Variants in GPATCH2L observed in about 807,000 individuals in gnomAD.
The protein encoded by GPATCH2L is G patch domain-containing protein 2-like.
A neutral mutation model predicts 57.4 loss-of-function variants in GPATCH2L; 31 were observed. That is an observed-to-expected ratio of 0.54 (90% CI 0.41 to 0.73). The LOEUF is 0.73. Among genes scored for constraint, GPATCH2L ranks in the 30% least tolerant of loss-of-function variants. GPATCH2L has a pLI of 0.00. For missense variants in GPATCH2L, 481 were observed against 599.9 expected, an observed-to-expected ratio of 0.80 and a Z score of 2.07; for synonymous variants, 199 against 210.7, an observed-to-expected ratio of 0.94 and a Z score of 0.48.
chr14:76,176,017 C>T (rs977154959), intron 5 of GPATCH2L: 2 of 152,192 alleles, frequency 1.3e-5, no homozygotes, highest in Non-Finnish European at 2.9e-5. Context: ...AGCTTTTACA[C>T]TATAATCTTG....
chr14:76,172,040 G>T, intron 4 of GPATCH2L, 21 bp downstream of exon 4: 3 of 1,527,058 alleles, frequency 2.0e-6, no homozygotes, highest in Non-Finnish European at 2.7e-6. Flanking sequence ...AGGAGACCAA[G>T]AACTTAATGC....
In GPATCH2L at chr14:76,212,798, G is replaced by A. The variant is rs778957094; in HGVS notation, c.*10947G>A. 6.6e-6 allele frequency: 1 copy of A among 151,886 alleles called. No individual in the cohort carries two copies. The highest frequency in any genetic ancestry group is 1.5e-5 in the Non-Finnish European group (1 of 67,952). 9.4% of individuals were successfully genotyped at this position (151,886 alleles called of 1,614,324 possible). A position where few individuals can be genotyped will look rare whatever the true frequency, so the allele number is the denominator to read the frequency against. On this transcript the variant is annotated 3_prime_UTR_variant, in exon 10 of 10. Transcript: ENST00000261530. ...ACAGATGGCATTTGCTGATAAAAAT[G>A]CAATAAACTTAGAATTTGAGGATAG...
intron 7 of GPATCH2L, chr14:76,178,267 A>G: frequency 6.7e-7 from 1 of 1,482,770 alleles, no homozygotes; most frequent in South Asian, 1.2e-5. Flanking sequence ...TTAGTTCAAC[A>G]TCAGAATCCT....
chr14:76,196,333 C>T (rs1471120755), intron 9 of GPATCH2L: 37 of 574,588 alleles, frequency 6.4e-5, no homozygotes, highest in Non-Finnish European at 1.1e-4. Context: ...TCTTATTTTG[C>T]ATACAGTACA....
intron 1 of GPATCH2L, among the ~76,000 whole-genome samples, chr14:76,219,449 G>A (rs935112840): frequency 6.6e-6 from 1 of 152,146 alleles, no homozygotes; most frequent in African/African-American, 2.4e-5. Flanking sequence ...CTCATACATT[G>A]TATAAACTAG....
Position 76,208,274 on chromosome 14 carries a change from C to T in GPATCH2L, c.*6423C>T, listed in dbSNP as rs12587317. 0.39 allele frequency: 59,279 copies of T among 152,004 alleles called. 14,059 individuals are homozygous for T. Among genetic ancestry groups the T allele is most frequent in the South Asian group, 0.56 (2,679 of 4,824 alleles). The allele number at this position is 152,004 out of a possible 1,614,324, so 9.4% of individuals were successfully genotyped here. On this transcript the variant is annotated 3_prime_UTR_variant, in exon 10 of 10. Coordinates refer to ENST00000261530, the MANE Select transcript of GPATCH2L (RefSeq NM_017926.4). ...TATCAGAGAACTTAAAGATGGCCTT[C>T]GTGACTTTGACTCAAAATCAATGCA... is the stretch of plus-strand genomic sequence containing the variant.
chr14:76,228,792 T>C (rs1595015124), intron 1 of GPATCH2L, among the ~76,000 whole-genome samples: 1 of 152,150 alleles, frequency 6.6e-6, no homozygotes, highest in South Asian at 2.1e-4. Context: ...GGCCTGTGGG[T>C]TGGAGCTCAG....
downstream of GPATCH2L, among the ~76,000 whole-genome samples, chr14:76,217,122 CA>C (rs1169043394): frequency 6.6e-6 from 1 of 152,108 alleles, no homozygotes; most frequent in Admixed American, 6.6e-5. Context: ...TCCTCTGTGA[CA>C]GGGGTCAGCA....
intron 1 of GPATCH2L, among the ~76,000 whole-genome samples, chr14:76,223,637 G>A (rs1355009641): frequency 6.6e-6 from 1 of 152,128 alleles, no homozygotes; most frequent in Non-Finnish European, 1.5e-5. Flanking sequence ...TCAAGAAGAT[G>A]AAACGACGAC....
intron 2 of GPATCH2L, among the ~76,000 whole-genome samples, chr14:76,158,783 G>T (rs997402538): frequency 6.6e-6 from 1 of 152,202 alleles, no homozygotes; most frequent in Non-Finnish European, 1.5e-5. Context: ...AGCTAGCATA[G>T]TGTGCTTATG....
At chr14:76,221,627 C>T (rs74796993) in intron 1 of GPATCH2L, among the ~76,000 whole-genome samples, 3,397 of 152,076 alleles carry the variant, frequency 0.022, 75 homozygotes, top group South Asian at 0.078. Context: ...TACATGCAGG[C>T]AATGGAATAT....
chr14:76,178,016 C>A lies in GPATCH2L; in HGVS notation c.1081C>A (p.Pro361Thr). The change falls in exon 7 of 10, where the codon CCT becomes ACT. Residue 361 changes from proline to threonine, a missense_variant. Transcript: ENST00000261530. Reference sequence around the variant, plus strand: ...GAATAAAGCGTTGGCTTCTGATTTTCCTCACATTTCTGCTTGTGCACATGA... The same window carrying A: ...GAATAAAGCGTTGGCTTCTGATTTTACTCACATTTCTGCTTGTGCACATGA... ...EKNKALASDF[P>T]HISACAHEFN... The A allele has an allele frequency of 6.2e-7, 1 of 1,607,268 alleles. No individual in the cohort carries two copies. Among genetic ancestry groups the A allele is most frequent in the South Asian group, 1.1e-5 (1 of 90,948 alleles).
At chr14:76,183,516 C>G (rs1265226191) in intron 8 of GPATCH2L, among the ~76,000 whole-genome samples, 5 of 152,028 alleles carry the variant, frequency 3.3e-5, no homozygotes, top group Non-Finnish European at 5.9e-5. Context: ...ACATATGTGT[C>G]TAGTAGCACG....
At chr14:76,156,136 C>A (rs143231821) in intron 2 of GPATCH2L, among the ~76,000 whole-genome samples, 2 of 152,308 alleles carry the variant, frequency 1.3e-5, no homozygotes, top group African/African-American at 4.8e-5. Flanking sequence ...TGCCTAAGAT[C>A]ACCCAGTGCC....
At chr14:76,217,203 G>A (rs1167412728), downstream of GPATCH2L, among the ~76,000 whole-genome samples, 1 of 152,110 alleles carries the variant, frequency 6.6e-6, no homozygotes, top group African/African-American at 2.4e-5. Flanking sequence ...AGCTAAGAAC[G>A]GTGTTTTGTT....
intron 1 of GPATCH2L, chr14:76,152,462 T>C: frequency 3.1e-6 from 1 of 322,448 alleles, no homozygotes; most frequent in Non-Finnish European, 6.2e-6. Context: ...AGTTGCCTCC[T>C]GCCTCTCCCA....
intron 4 of GPATCH2L, 118 bp from the exon 5 acceptor site, chr14:76,173,428 G>T: frequency 1.6e-6 from 1 of 624,386 alleles, no homozygotes; most frequent in Non-Finnish European, 2.9e-6. Context: ...GCTCTGTGAT[G>T]CTAGTTTAAA....
intron 2 of GPATCH2L, among the ~76,000 whole-genome samples, chr14:76,231,963 T>TCTCACTGCAGGCTCACTGCAGG (rs1555385015): frequency 6.9e-5 from 4 of 57,738 alleles, no homozygotes; most frequent in Middle Eastern, 6.4e-3. Flanking sequence ...GGCAAACACA[T>TCTCACTGCAGGCTCACTGCAGG]CTCACTGCAG....
intron 8 of GPATCH2L, among the ~76,000 whole-genome samples, chr14:76,186,288 G>C (rs1044004931): frequency 6.6e-6 from 1 of 152,136 alleles, no homozygotes; most frequent in Admixed American, 6.5e-5. Context: ...GCCCATTAGA[G>C]AGTTGAAATA....
Sources: allele counts gnomAD v4.1 joint callset (sites outside exome capture counted in the v4.1 genomes callset), GRCh38; gene constraint gnomAD v4.1.1; transcripts MANE v1.5; gene names NCBI Gene and HGNC (gene_info 2026-07-23, HGNC 2026-07-21).